Variants in KIAA1549 observed in about 807,000 individuals in gnomAD.
KIAA1549 encodes KIAA1549.
Under a neutral mutation model 156.4 loss-of-function variants are expected in KIAA1549, and 70 were observed. That is an observed-to-expected ratio of 0.45 (90% confidence interval 0.37 to 0.55). KIAA1549 has a LOEUF of 0.55. Among genes scored for constraint, KIAA1549 ranks in the 20% least tolerant of loss-of-function variants. KIAA1549 has a pLI of 0.00. For missense variants in KIAA1549, 2,428 were observed against 2,540.9 expected, an observed-to-expected ratio of 0.96 and a Z score of 0.96; for synonymous variants, 1,103 against 1,066.4, an observed-to-expected ratio of 1.03 and a Z score of -0.67.
intron 1 of KIAA1549, among the ~76,000 whole-genome samples, chr7:138,977,122 G>A (rs1269828586): frequency 6.6e-6 from 1 of 151,904 alleles, no homozygotes; most frequent in Non-Finnish European, 1.5e-5. Context: ...AGAACAAATG[G>A]CAGATCTTGC....
chr7:138,903,214 C>T (rs1212397500), intron 8 of KIAA1549, among the ~76,000 whole-genome samples: 1 of 152,164 alleles, frequency 6.6e-6, no homozygotes, highest in East Asian at 1.9e-4. Flanking sequence ...AATGATTTAT[C>T]GCTATGATGC....
At chr7:138,866,355 A>G (rs1003905170) in intron 15 of KIAA1549, among the ~76,000 whole-genome samples, 1 of 152,244 alleles carries the variant, frequency 6.6e-6, no homozygotes, top group Non-Finnish European at 1.5e-5. Flanking sequence ...TATTTAGCCT[A>G]TTTAAGTGCT....
intron 1 of KIAA1549, among the ~76,000 whole-genome samples, chr7:138,920,818 A>C (rs529225844): frequency 1.3e-5 from 2 of 152,312 alleles, no homozygotes; most frequent in East Asian, 3.9e-4. Context: ...GACAGTCTTG[A>C]ATTTACTCTA....
chr7:138,945,502 C>T (rs945238071), intron 1 of KIAA1549, among the ~76,000 whole-genome samples: 5 of 152,212 alleles, frequency 3.3e-5, no homozygotes, highest in African/African-American at 9.6e-5. Context: ...TGACCTTGAC[C>T]CCACTAAGTA....
chr7:138,963,066 T>C (rs1372190896), intron 1 of KIAA1549, among the ~76,000 whole-genome samples: 2 of 152,266 alleles, frequency 1.3e-5, no homozygotes, highest in Non-Finnish European at 2.9e-5. Context: ...TTTCTCTTAG[T>C]ATCCCAACAT....
chr7:138,933,592 A>C (rs1812929931), intron 1 of KIAA1549, among the ~76,000 whole-genome samples: 1 of 152,228 alleles, frequency 6.6e-6, no homozygotes, highest in Non-Finnish European at 1.5e-5. Context: ...ATGATCATGT[A>C]AGATGTTATT....
chr7:138,978,470 A>C (rs1814444145), intron 1 of KIAA1549, among the ~76,000 whole-genome samples: 1 of 148,524 alleles, frequency 6.7e-6, no homozygotes, highest in Non-Finnish European at 1.5e-5. Flanking sequence ...GGTTAAGACC[A>C]AACTTGTAAA....
In KIAA1549 at chr7:138,981,068, C is replaced by A; in HGVS notation, c.187+15G>T. ...GGGGTCGCGGCCGCGTTCCGAGGGT[C>A]TCGGCGGAGCTTACCTGGGGCGCAC... On this transcript the variant is annotated intron_variant, in intron 1 of 19. Transcript: ENST00000422774. The surrounding 1 kb of genome is among the most constrained non-coding windows in gnomAD (Gnocchi z 4.5). 2 of 1,224,856 alleles carry A rather than the reference C, an allele frequency of 1.6e-6. No homozygotes were observed. The highest frequency in any genetic ancestry group is 2.0e-6 in the Non-Finnish European group (2 of 982,654). 75.9% of individuals were successfully genotyped at this position (1,224,856 alleles called of 1,614,324 possible). A position where few individuals can be genotyped will look rare whatever the true frequency, so the allele number is the denominator to read the frequency against.
In KIAA1549 at chr7:138,832,942, G is replaced by A. The variant is rs1369925563; in HGVS notation, c.*4964C>T. On this transcript the variant is annotated 3_prime_UTR_variant, in exon 20 of 20. Transcript: ENST00000422774. ...CATAGTTGATGAGTATGTTACAGCA[G>A]CTGCTCATAGAAACCCTGTTAGAAC... 1 of 231,028 alleles carries A rather than the reference G, an allele frequency of 4.3e-6. No homozygotes were observed. The highest frequency in any genetic ancestry group is 8.6e-6 in the Non-Finnish European group (1 of 116,704). 14.3% of individuals were successfully genotyped at this position (231,028 alleles called of 1,614,324 possible). A position where few individuals can be genotyped will look rare whatever the true frequency, so the allele number is the denominator to read the frequency against.
intron 4 of KIAA1549, among the ~76,000 whole-genome samples, chr7:138,910,618 A>C (rs1812140851): frequency 6.6e-6 from 1 of 151,598 alleles, no homozygotes; most frequent in African/African-American, 2.4e-5. Flanking sequence ...GGCTCATCTC[A>C]AACTCCAGAG....
intron 1 of KIAA1549, among the ~76,000 whole-genome samples, chr7:138,979,428 G>A (rs1038221643): frequency 6.6e-6 from 1 of 152,202 alleles, no homozygotes; most frequent in Non-Finnish European, 1.5e-5. Context: ...CATAGAGTCT[G>A]AAGCCAAACC....
At chr7:138,929,879 G>C (rs949396857) in intron 1 of KIAA1549, among the ~76,000 whole-genome samples, 2 of 152,122 alleles carry the variant, frequency 1.3e-5, no homozygotes, top group East Asian at 3.8e-4. Flanking sequence ...TTCTTTTGTA[G>C]AGATAAGGTC....
rs1809543642 is a variant in KIAA1549, at chr7:138,831,902, T to C, written c.*6004A>G. ...CTCCCCTTTTCTGAAACAAGTCCTC[T>C]GGTGCTTAGAGCAACTGAATGAATG... On this transcript the variant is annotated 3_prime_UTR_variant, in exon 20 of 20. Coordinates refer to ENST00000422774, the MANE Select transcript of KIAA1549 (RefSeq NM_001164665.2). 1 of 232,954 alleles carries C rather than the reference T, an allele frequency of 4.3e-6. No individual in the cohort carries two copies. Among genetic ancestry groups the C allele is most frequent in the Admixed American group, 5.6e-5 (1 of 17,772 alleles). The allele number at this position is 232,954 out of a possible 1,614,324, so 14.4% of individuals were successfully genotyped here.
chr7:138,968,044 T>C (rs982195435), intron 1 of KIAA1549, among the ~76,000 whole-genome samples: 1 of 152,224 alleles, frequency 6.6e-6, no homozygotes, highest in African/African-American at 2.4e-5. Context: ...CCACTAGGCA[T>C]GGATGAAGCT....
chr7:138,935,331 A>G (rs981004384), intron 1 of KIAA1549, among the ~76,000 whole-genome samples: 4 of 152,204 alleles, frequency 2.6e-5, no homozygotes, highest in African/African-American at 7.2e-5. Context: ...GGTCCAGAGT[A>G]TTTACCAAAA....
chr7:138,934,451 G>A (rs1394751964), intron 1 of KIAA1549, among the ~76,000 whole-genome samples: 1 of 151,874 alleles, frequency 6.6e-6, no homozygotes, highest in African/African-American at 2.4e-5. Flanking sequence ...CTGAAAATAG[G>A]GAGTGGTTGA....
intron 7 of KIAA1549, among the ~76,000 whole-genome samples, chr7:138,904,011 C>A (rs899960179): frequency 1.3e-5 from 2 of 152,176 alleles, no homozygotes; most frequent in East Asian, 1.9e-4. Flanking sequence ...TCAGTGTTAC[C>A]CAGACTGGCG....
chr7:138,963,015 T>C (rs1414076109), intron 1 of KIAA1549, among the ~76,000 whole-genome samples: 1 of 152,216 alleles, frequency 6.6e-6, no homozygotes, highest in Non-Finnish European at 1.5e-5. Context: ...CAACTTCCCC[T>C]TGTAGACGGA....
At position 138,835,009 on chromosome 7, in the gene KIAA1549, CTCAAAT is replaced by C; in HGVS notation, c.*2891_*2896del. The C allele has an allele frequency of 4.4e-6, 1 of 225,058 alleles. No individual in the cohort carries two copies. Among genetic ancestry groups the C allele is most frequent in the Non-Finnish European group, 8.8e-6 (1 of 113,302 alleles). The allele number at this position is 225,058 out of a possible 1,614,324, so 13.9% of individuals were successfully genotyped here. Reference sequence around the variant, plus strand: ...AACAACATTTCTCCAAACATTCTGACTCAAATTTACAGTTTGTGTTACCACTAGAAC... The same window carrying C: ...AACAACATTTCTCCAAACATTCTGACTTACAGTTTGTGTTACCACTAGAAC... On this transcript the variant is annotated 3_prime_UTR_variant, in exon 20 of 20. Transcript: ENST00000422774.
Sources: allele counts gnomAD v4.1 joint callset (sites outside exome capture counted in the v4.1 genomes callset), GRCh38; gene constraint gnomAD v4.1.1; non-coding constraint Gnocchi (gnomAD v3.1); transcripts MANE v1.5; gene names NCBI Gene and HGNC (gene_info 2026-07-23, HGNC 2026-07-21).